Variants in TBC1D9 observed in about 807,000 individuals in gnomAD.
The protein encoded by TBC1D9 is TBC1 domain family member 9, also known as TBC1 domain family member 9A.
In TBC1D9, 63 loss-of-function variants were observed where a neutral mutation model predicts 132.0. That is an observed-to-expected ratio of 0.48 (90% confidence interval 0.39 to 0.59). TBC1D9 has a LOEUF of 0.59. Ranked by LOEUF, TBC1D9 falls within the 20% of genes least tolerant of loss-of-function variation. The pLI, the probability that TBC1D9 is intolerant of heterozygous loss-of-function variation, is 0.00. For synonymous variants in TBC1D9, 610 were observed against 609.9 expected (o/e 1.00, Z 0.00); for missense variants, 1,261 against 1,592.7 (o/e 0.79, Z 3.54).
intron 1 of TBC1D9, among the ~76,000 whole-genome samples, chr4:140,748,886 G>A (rs1189227100): frequency 1.3e-5 from 2 of 152,126 alleles, no homozygotes; most frequent in East Asian, 1.9e-4. Context: ...AATGGTAAAC[G>A]TGTAGAGATC....
chr4:140,726,301 A>T (rs541059831), intron 1 of TBC1D9, among the ~76,000 whole-genome samples: 40 of 152,184 alleles, frequency 2.6e-4, no homozygotes, highest in African/African-American at 4.6e-4. Flanking sequence ...AAAAAAAAAA[A>T]TTTTAAAAAT....
intron 1 of TBC1D9, among the ~76,000 whole-genome samples, chr4:140,747,308 T>TGCC (rs1342422583): frequency 6.6e-6 from 1 of 151,464 alleles, no homozygotes; most frequent in African/African-American, 2.4e-5. Context: ...GCCAAGAGTG[T>TGCC]GCCACTGCAC....
At position 140,706,138 on chromosome 4, in the gene TBC1D9, C is replaced by T. The variant is rs1386605018; in HGVS notation, c.131-4524G>A. Among the ~76,000 whole-genome samples, 1 of 152,194 alleles carries T rather than the reference C, an allele frequency of 6.6e-6. No homozygotes were observed. The highest frequency in any genetic ancestry group is 1.5e-5 in the Non-Finnish European group (1 of 68,040). ...GAAACCCCCGTCAGCCCTCTGCAGG[C>T]CGGGCTATGTCAGGAGTGTGCTGCC... On this transcript the variant is annotated intron_variant, in intron 1 of 20. Transcript: ENST00000442267. The surrounding 1 kb of genome is among the most constrained non-coding windows in gnomAD (Gnocchi z 4.0).
rs1269765694 is a variant in TBC1D9 at position 140,755,977 on chromosome 4, G to C, written c.69C>G (p.Tyr23Ter). ...GGCCCTTCCTCCGCTGCAGGATGAA[G>C]TATGGGTTGGCCCTCTCGGTGATCC... is the stretch of plus-strand genomic sequence containing the variant. ...ALWITERANP[Y>*]FILQRRKGHA... Residue 23 changes from tyrosine (Y) to a stop codon, truncating the protein, a stop_gained, in exon 1 of 21, where the codon TAC becomes TAG. Transcript: ENST00000442267. LOFTEE classifies it high-confidence loss of function. 1 of 1,607,744 alleles carries C rather than the reference G, an allele frequency of 6.2e-7. No homozygotes were observed. Among genetic ancestry groups the C allele is most frequent in the Non-Finnish European group, 8.5e-7 (1 of 1,177,290 alleles).
At chr4:140,644,791 A>C (rs573962601) in intron 13 of TBC1D9, 17 of 403,994 alleles carry the variant, frequency 4.2e-5, no homozygotes, top group African/African-American at 3.4e-4. Flanking sequence ...AAGGGGCAGC[A>C]CGGTGGCCCG....
intron 13 of TBC1D9, chr4:140,643,794 C>T: frequency 1.2e-6 from 1 of 851,900 alleles, no homozygotes; most frequent in Non-Finnish European, 1.9e-6. Flanking sequence ...CTCGGTGCAG[C>T]CCTGCCCGGT....
chr4:140,624,773 C>A (rs1736679971), intron 18 of TBC1D9, among the ~76,000 whole-genome samples: 1 of 152,126 alleles, frequency 6.6e-6, no homozygotes, highest in African/African-American at 2.4e-5. Flanking sequence ...AATGGAGGGT[C>A]AAGCAGCGTG....
intron 1 of TBC1D9, among the ~76,000 whole-genome samples, chr4:140,709,828 A>G (rs1458301265): frequency 6.6e-6 from 1 of 152,212 alleles, no homozygotes; most frequent in Non-Finnish European, 1.5e-5. Flanking sequence ...TTGCATGTGC[A>G]GTTCGCAATA....
intron 10 of TBC1D9, 83 bp downstream of exon 10, chr4:140,661,810 T>C (rs2111001278): frequency 4.1e-6 from 5 of 1,209,164 alleles, no homozygotes; most frequent in Non-Finnish European, 5.9e-6. Context: ...CTGTTAACCA[T>C]AAACCTTCCT....
At chr4:140,671,987 T>C (rs560705729) in intron 6 of TBC1D9, among the ~76,000 whole-genome samples, 80 of 152,242 alleles carry the variant, frequency 5.3e-4, no homozygotes, top group Admixed American at 7.8e-4. Context: ...TCATTAGCAT[T>C]TTCATGTGAA....
intron 2 of TBC1D9, among the ~76,000 whole-genome samples, chr4:140,689,184 T>C (rs1737834522): frequency 1.3e-5 from 2 of 152,080 alleles, no homozygotes; most frequent in Admixed American, 6.6e-5. Context: ...CCTTGTAGAG[T>C]CTGAGCCTCG....
chr4:140,643,102 C>A, intron 13 of TBC1D9: 1 of 1,393,250 alleles, frequency 7.2e-7, no homozygotes, highest in Non-Finnish European at 9.9e-7. Context: ...CCCGTGGGAG[C>A]CGCAGGTTCT....
chr4:140,737,106 C>T (rs1365250398), intron 1 of TBC1D9, among the ~76,000 whole-genome samples: 1 of 152,156 alleles, frequency 6.6e-6, no homozygotes, highest in Non-Finnish European at 1.5e-5. Context: ...AGATCCCTTG[C>T]ATGCGCAGTG....
chr4:140,639,501 G>T, intron 13 of TBC1D9, 73 bp from the exon 14 acceptor site: 1 of 1,026,762 alleles, frequency 9.7e-7, no homozygotes, highest in Non-Finnish European at 1.5e-6. Context: ...CAGAATGCCT[G>T]CAACACACTC....
In TBC1D9 at chr4:140,622,488, C is replaced by T. The variant is rs1387309694; in HGVS notation, c.3508G>A (p.Ala1170Thr). ...AGCTTGTCCTCCTCGTGGGAGCCGG[C>T]ACTCAGCACCGAGTATGAGGACATG... ...SSMSSYSVLS[A>T]GSHEEDKLHC... Residue 1170 changes from alanine to threonine, a missense_variant, in exon 21 of 21, where the codon GCC (alanine) becomes ACC (threonine). Around this residue, in one of 3 missense-constraint regions of TBC1D9, gnomAD observed 618 missense variants for 724.4 expected, o/e 0.85. Coordinates refer to ENST00000442267, the MANE Select transcript of TBC1D9 (RefSeq NM_015130.3). 1.4e-5 allele frequency: 23 copies of T among 1,614,060 alleles called. No individual in the cohort carries two copies. Among genetic ancestry groups the T allele is most frequent in the Non-Finnish European group, 1.9e-5 (23 of 1,179,910 alleles).
At position 140,669,898 on chromosome 4, in the gene TBC1D9, A is replaced by AT. The variant is rs1240881792; in HGVS notation, c.1267-95dup. On this transcript the variant is annotated intron_variant, in intron 7 of 20. Coordinates refer to ENST00000442267, the MANE Select transcript of TBC1D9 (RefSeq NM_015130.3). ...CTGTATGGTTATCAAAAGCTACATCATTTTTTTCCCATGGTGTTTCTTGCT... is the reference window on the plus strand; with the variant it reads ...CTGTATGGTTATCAAAAGCTACATCATTTTTTTTCCCATGGTGTTTCTTGCT... 4.8e-6 allele frequency: 6 copies of AT among 1,251,480 alleles called. No individual in the cohort carries two copies. The African/African-American group carries it at 6.0e-5, about 12-fold the overall frequency. The allele number at this position is 1,251,480 out of a possible 1,614,324, so 77.5% of individuals were successfully genotyped here. A position where few individuals can be genotyped will look rare whatever the true frequency, so the allele number is the denominator to read the frequency against.
chr4:140,644,605 C>A, intron 13 of TBC1D9: 1 of 358,662 alleles, frequency 2.8e-6, no homozygotes, highest in South Asian at 2.1e-5. Context: ...CTGCCTGGTA[C>A]TCCTCTGCGC....
intron 15 of TBC1D9, 68 bp from the exon 16 acceptor site, chr4:140,634,256 CTCCA>C: frequency 1.3e-6 from 2 of 1,570,334 alleles, no homozygotes; most frequent in East Asian, 4.5e-5. Flanking sequence ...AACGCCCATC[CTCCA>C]GTTTGGAAAG....
At chr4:140,675,810 C>G (rs1023347130) in intron 6 of TBC1D9, among the ~76,000 whole-genome samples, 6 of 152,318 alleles carry the variant, frequency 3.9e-5, no homozygotes, top group East Asian at 1.9e-4. Context: ...CTTTCTGACT[C>G]ACAACCTAGA....
Sources: allele counts gnomAD v4.1 joint callset (sites outside exome capture counted in the v4.1 genomes callset), GRCh38; gene constraint gnomAD v4.1.1; regional missense constraint gnomAD v4.1.1; non-coding constraint Gnocchi (gnomAD v3.1); transcripts MANE v1.5; gene names NCBI Gene and HGNC (gene_info 2026-07-23, HGNC 2026-07-21).